Variants in CECR2 observed in about 807,000 individuals in gnomAD.
CECR2 encodes the protein CECR2 histone acetyl-lysine reader.
In CECR2, 30 loss-of-function variants were observed where a neutral mutation model predicts 154.5. The ratio of observed to expected loss-of-function variants is 0.19; its 90% CI spans 0.15 to 0.26. The LOEUF is 0.26. Among genes scored for constraint, CECR2 ranks in the 10% least tolerant of loss-of-function variants. The probability of loss-of-function intolerance (pLI) is 1.00; values close to 1 mark genes in which losing one functional copy is unlikely to be tolerated. For synonymous variants in CECR2, 725 were observed against 683.7 expected, an observed-to-expected ratio of 1.06 and a Z score of -0.94; for missense variants, 1,743 against 1,829.3, an observed-to-expected ratio of 0.95 and a Z score of 0.86.
intron 2 of CECR2, among the ~76,000 whole-genome samples, chr22:17,482,785 G>A (rs1601433211): frequency 1.4e-5 from 2 of 144,182 alleles, no homozygotes; most frequent in East Asian, 2.0e-4. Context: ...TTTTTGAGAC[G>A]GTGTCCTGCC....
intron 2 of CECR2, among the ~76,000 whole-genome samples, chr22:17,481,547 C>T (rs938246207): frequency 6.6e-6 from 1 of 152,096 alleles, no homozygotes; most frequent in Admixed American, 6.5e-5. Context: ...GTGTCTGTAT[C>T]CTTTTCCGTT....
intron 8 of CECR2, chr22:17,518,697 T>TCAA: frequency 4.5e-6 from 2 of 440,620 alleles, no homozygotes; most frequent in South Asian, 3.6e-5. Flanking sequence ...CTGTTTGCAT[T>TCAA]CAAGCACCTC....
At chr22:17,374,346 C>T (rs1239361992) in intron 1 of CECR2, among the ~76,000 whole-genome samples, 1 of 152,132 alleles carries the variant, frequency 6.6e-6, no homozygotes, top group Non-Finnish European at 1.5e-5. Context: ...AAGAATCCAG[C>T]CCCTTAATCA....
chr22:17,499,148 C>T (rs898057238), intron 3 of CECR2, among the ~76,000 whole-genome samples: 2 of 152,080 alleles, frequency 1.3e-5, no homozygotes, highest in Non-Finnish European at 2.9e-5. Context: ...CGCCACCACG[C>T]CCAGCTGATT....
At chr22:17,461,507 C>G (rs1262093852) in intron 1 of CECR2, among the ~76,000 whole-genome samples, 2 of 152,184 alleles carry the variant, frequency 1.3e-5, no homozygotes, top group African/African-American at 4.8e-5. Context: ...AATTTACCAT[C>G]ATTTGCTAGG....
intron 1 of CECR2, among the ~76,000 whole-genome samples, chr22:17,461,189 A>G (rs564416102): frequency 6.6e-6 from 1 of 152,292 alleles, no homozygotes; most frequent in East Asian, 1.9e-4. Flanking sequence ...GATATGAGGA[A>G]AGCTTCTCTT....
chr22:17,441,811 A>C (rs139206225), intron 1 of CECR2, among the ~76,000 whole-genome samples: 1 of 152,380 alleles, frequency 6.6e-6, no homozygotes, highest in African/African-American at 2.4e-5. Flanking sequence ...TTTATGAAAC[A>C]GAATTTACAG....
At chr22:17,551,210 A>C (rs902460109) in intron 17 of CECR2, among the ~76,000 whole-genome samples, 3 of 152,180 alleles carry the variant, frequency 2.0e-5, no homozygotes, top group African/African-American at 4.8e-5. Context: ...CATGCCTTGG[A>C]GCACCATTTC....
intron 10 of CECR2, among the ~76,000 whole-genome samples, chr22:17,537,843 A>G (rs896852703): frequency 2.0e-5 from 3 of 152,144 alleles, no homozygotes; most frequent in African/African-American, 4.8e-5. Context: ...AAAATTTTAA[A>G]AAAAATTAGG....
chr22:17,553,125 A>C lies in CECR2; in HGVS notation c.*285A>C. On this transcript the variant is annotated 3_prime_UTR_variant, in exon 19 of 19. Coordinates refer to ENST00000262608, the MANE Select transcript of CECR2 (RefSeq NM_001290047.2). ...CGTGGAGTTAATGATGACTTTTCCA[A>C]ATCCTGAGACACTTTTCAGGGAAAA... The C allele has an allele frequency of 2.2e-6, 1 of 462,920 alleles. No homozygotes were observed. The highest frequency in any genetic ancestry group is 3.3e-6 in the Non-Finnish European group (1 of 299,778). The allele number at this position is 462,920 out of a possible 1,614,324, so 28.7% of individuals were successfully genotyped here. A position where few individuals can be genotyped will look rare whatever the true frequency, so the allele number is the denominator to read the frequency against.
In CECR2 at chr22:17,497,533, C is replaced by T. The variant is rs1378250296; in HGVS notation, c.352C>T (p.His118Tyr). ...TCTTCGCACACGGGTGGAGATCCTG[C>T]ACCGACTCTGTGATTACCGGCTGGA... ...LPLRTRVEIL[H>Y]RLCDYRLDAD... is the part of the protein sequence containing the mutation. Residue 118 changes from histidine to tyrosine, a missense_variant, in exon 3 of 19, where the codon CAC (histidine) becomes TAC (tyrosine). Around this residue, in one of 4 missense-constraint regions of CECR2, gnomAD observed 98 missense variants for 169.3 expected, o/e 0.58. Coordinates refer to ENST00000262608, the MANE Select transcript of CECR2 (RefSeq NM_001290047.2). 3.7e-6 allele frequency: 6 copies of T among 1,613,944 alleles called. No homozygotes were observed. Among genetic ancestry groups the T allele is most frequent in the Middle Eastern group, 3.3e-4 (2 of 6,062 alleles).
intron 1 of CECR2, among the ~76,000 whole-genome samples, chr22:17,425,014 T>G (rs1025514784): frequency 4.6e-5 from 7 of 152,244 alleles, no homozygotes; most frequent in African/African-American, 9.6e-5. Context: ...AATTAAGGCT[T>G]CTTTCTTTAC....
At chr22:17,546,742 TAAA>T (rs1012091269) in intron 16 of CECR2, among the ~76,000 whole-genome samples, 32 of 151,574 alleles carry the variant, frequency 2.1e-4, no homozygotes, top group African/African-American at 7.5e-4. Context: ...AGAAAGATAA[TAAA>T]AAGATTATTT....
At position 17,541,832 on chromosome 22, in the gene CECR2, G is replaced by C; in HGVS notation, c.1885-7G>C. ...TTCCTCTTCTTGCTTTGTTCAATGT[G>C]CTGCAGAGGCCAGCAGTACCAGGAA... On this transcript the variant is annotated splice_region_variant and splice_polypyrimidine_tract_variant and intron_variant, in intron 14 of 18. Coordinates refer to ENST00000262608, the MANE Select transcript of CECR2 (RefSeq NM_001290047.2). 1 of 1,609,802 alleles carries C rather than the reference G, an allele frequency of 6.2e-7. No homozygotes were observed. Among genetic ancestry groups the C allele is most frequent in the African/African-American group, 1.3e-5 (1 of 74,892 alleles).
At chr22:17,418,270 G>C (rs533863244) in intron 1 of CECR2, among the ~76,000 whole-genome samples, 3 of 152,238 alleles carry the variant, frequency 2.0e-5, no homozygotes, top group African/African-American at 7.2e-5. Flanking sequence ...AACATATGCC[G>C]TTTTACTTGT....
At chr22:17,376,258 T>A (rs2146453306) in intron 1 of CECR2, among the ~76,000 whole-genome samples, 1 of 152,302 alleles carries the variant, frequency 6.6e-6, no homozygotes, top group Non-Finnish European at 1.5e-5. Flanking sequence ...ATGTGAAGCT[T>A]CAAAGGCTTC....
chr22:17,430,535 C>T (rs1319607219), intron 1 of CECR2, among the ~76,000 whole-genome samples: 2 of 152,206 alleles, frequency 1.3e-5, no homozygotes, highest in Admixed American at 6.5e-5. Flanking sequence ...GTGCTCCTGC[C>T]TCTCAGGATG....
At chr22:17,371,854 T>G (rs148335235) in intron 1 of CECR2, among the ~76,000 whole-genome samples, 2 of 152,248 alleles carry the variant, frequency 1.3e-5, no homozygotes, top group African/African-American at 4.8e-5. Flanking sequence ...TCATTTTGCC[T>G]TAAGTACTCG....
chr22:17,434,606 C>A (rs1254354225), intron 1 of CECR2, among the ~76,000 whole-genome samples: 1 of 151,958 alleles, frequency 6.6e-6, no homozygotes, highest in Non-Finnish European at 1.5e-5. Context: ...AGTTCACCCC[C>A]ACCATGGATT....
Sources: gnomAD v4.1 joint callset for allele counts (sites outside exome capture counted in the v4.1 genomes callset) on GRCh38, gnomAD v4.1.1 for gene constraint, gnomAD v4.1.1 regional missense constraint, MANE v1.5 for transcripts, NCBI Gene and HGNC (gene_info 2026-07-23, HGNC 2026-07-21) for gene names.